Variants in MAF observed in about 807,000 individuals in gnomAD.
MAF encodes the protein transcription factor Maf.
In MAF, 10 loss-of-function variants were observed where a neutral mutation model predicts 22.0. That is an observed-to-expected ratio of 0.45 (90% CI 0.28 to 0.77). The LOEUF (loss-of-function observed/expected upper bound fraction) is 0.77. Among genes scored for constraint, MAF ranks in the 30% least tolerant of loss-of-function variants. MAF has a pLI of 0.12. For synonymous variants in MAF, 337 were observed against 255.8 expected, an observed-to-expected ratio of 1.32 and a Z score of -3.03; for missense variants, 544 against 548.4, an observed-to-expected ratio of 0.99 and a Z score of 0.08.
At chr16:79,367,155 G>C in the MAF span, among the ~76,000 whole-genome samples, 3 of 152,128 alleles carry the variant, frequency 2.0e-5, no homozygotes, top group East Asian at 3.9e-4. Context: ...TCCGTACTTT[G>C]AATCAAGTTT....
chr16:79,384,616 G>C, the MAF span, among the ~76,000 whole-genome samples: 1 of 151,962 alleles, frequency 6.6e-6, no homozygotes, highest in Non-Finnish European at 1.5e-5. Context: ...AATTAGCTGG[G>C]TGTGGTGGCG....
the MAF span, among the ~76,000 whole-genome samples, chr16:79,482,193 C>A: frequency 0.016 from 2,504 of 152,320 alleles, 36 homozygotes; most frequent in Middle Eastern, 0.034. Context: ...AACAGCCTGT[C>A]CTCCTAATAA....
the MAF span, among the ~76,000 whole-genome samples, chr16:79,530,414 A>T: frequency 1.9e-4 from 29 of 152,220 alleles, no homozygotes; most frequent in African/African-American, 7.0e-4. Flanking sequence ...AAAGAGATGT[A>T]AATATTGGGA....
At chr16:79,439,542 G>A in the MAF span, among the ~76,000 whole-genome samples, 1 of 152,144 alleles carries the variant, frequency 6.6e-6, no homozygotes, top group South Asian at 2.1e-4. Context: ...TTACAGGTGT[G>A]AGCCACCAGC....
the MAF span, among the ~76,000 whole-genome samples, chr16:79,299,972 G>C: frequency 4.6e-5 from 7 of 152,292 alleles, no homozygotes; most frequent in Non-Finnish European, 2.9e-5. Context: ...TCCACCTCTT[G>C]TGACTTACTT....
the MAF span, among the ~76,000 whole-genome samples, chr16:79,271,082 TA>T: frequency 9.2e-6 from 1 of 108,262 alleles, no homozygotes; most frequent in Admixed American, 1.0e-4. Context: ...CATTTTTTTT[TA>T]TTTTTTATTT....
the MAF span, among the ~76,000 whole-genome samples, chr16:79,425,147 ATAT>A: frequency 6.6e-5 from 10 of 152,178 alleles, no homozygotes; most frequent in Non-Finnish European, 1.5e-4. Context: ...CTATTTAATG[ATAT>A]TATAATATTT....
At chr16:79,437,430 C>G in the MAF span, among the ~76,000 whole-genome samples, 1 of 152,096 alleles carries the variant, frequency 6.6e-6, no homozygotes, top group African/African-American at 2.4e-5. Flanking sequence ...GACACAGCCA[C>G]ACATCCTGCT....
At chr16:79,515,226 C>A in the MAF span, among the ~76,000 whole-genome samples, 1 of 152,208 alleles carries the variant, frequency 6.6e-6, no homozygotes, top group African/African-American at 2.4e-5. Flanking sequence ...ACGCTGCTGA[C>A]CCTTACTCCT....
chr16:79,595,908 G>A (rs1913492531), intron 1 of MAF: 1 of 1,057,752 alleles, frequency 9.5e-7, no homozygotes, highest in Non-Finnish European at 1.1e-6. Context: ...TAAGACAAAT[G>A]ATCTTCAGTG....
the MAF span, among the ~76,000 whole-genome samples, chr16:79,233,579 C>T: frequency 6.6e-6 from 1 of 152,090 alleles, no homozygotes. Context: ...AGCACAAGTA[C>T]TGTGGGAACA....
the MAF span, among the ~76,000 whole-genome samples, chr16:79,523,570 T>C: frequency 2.6e-5 from 4 of 152,194 alleles, no homozygotes; most frequent in Non-Finnish European, 4.4e-5. Flanking sequence ...AAATGAGAGA[T>C]GCTGGCTGCC....
the MAF span, among the ~76,000 whole-genome samples, chr16:79,531,173 T>A: frequency 2.0e-5 from 3 of 152,224 alleles, no homozygotes; most frequent in Non-Finnish European, 2.9e-5. Flanking sequence ...TGTATAAGCA[T>A]ACCCTTGCCT....
the MAF span, among the ~76,000 whole-genome samples, chr16:79,335,822 T>G: frequency 6.6e-6 from 1 of 152,216 alleles, no homozygotes; most frequent in Non-Finnish European, 1.5e-5. Context: ...TTAAGTTTTA[T>G]GTTCCCTTTT....
At chr16:79,495,530 A>G in the MAF span, among the ~76,000 whole-genome samples, 2 of 152,204 alleles carry the variant, frequency 1.3e-5, no homozygotes, top group African/African-American at 4.8e-5. Flanking sequence ...CTCTCATGCC[A>G]GAAACCAGGG....
the MAF span, among the ~76,000 whole-genome samples, chr16:79,556,168 AT>A: frequency 6.6e-6 from 1 of 152,208 alleles, no homozygotes; most frequent in Non-Finnish European, 1.5e-5. Flanking sequence ...TGTATAAGAT[AT>A]TACAAGCAGA....
the MAF span, among the ~76,000 whole-genome samples, chr16:79,537,558 T>C: frequency 2.6e-5 from 4 of 152,178 alleles, no homozygotes; most frequent in Admixed American, 2.0e-4. Flanking sequence ...AACCTGGCTA[T>C]AGGAGGATGT....
At chr16:79,284,938 G>C in the MAF span, among the ~76,000 whole-genome samples, 1 of 152,158 alleles carries the variant, frequency 6.6e-6, no homozygotes, top group Non-Finnish European at 1.5e-5. Flanking sequence ...TTCCACGAAG[G>C]CACGCGGCTC....
the MAF span, among the ~76,000 whole-genome samples, chr16:79,451,759 T>A: frequency 6.6e-6 from 1 of 152,204 alleles, no homozygotes; most frequent in South Asian, 2.1e-4. Context: ...ATATTCCCCT[T>A]CCCCAAGGCT....
Sources: gnomAD v4.1 joint callset for allele counts (sites outside exome capture counted in the v4.1 genomes callset) on GRCh38, gnomAD v4.1.1 for gene constraint, MANE v1.5 for transcripts, NCBI Gene and HGNC (gene_info 2026-07-23, HGNC 2026-07-21) for gene names.